Variants in KIF16B observed in about 807,000 individuals in gnomAD.
KIF16B encodes the protein kinesin-like protein KIF16B.
KIF16B carries 98 observed loss-of-function variants against 156.3 expected under a neutral mutation model. The observed-to-expected ratio is 0.63, with a 90% confidence interval of 0.53 to 0.74. The LOEUF is 0.74. KIF16B is among the 30% of genes least tolerant of loss of function. KIF16B has a pLI of 0.00. For synonymous variants in KIF16B, 564 were observed against 583.7 expected, an observed-to-expected ratio of 0.97 and a Z score of 0.49; for missense variants, 1,421 against 1,606.5, an observed-to-expected ratio of 0.88 and a Z score of 1.97.
intron 25 of KIF16B, among the ~76,000 whole-genome samples, chr20:16,277,455 C>T (rs980719369): frequency 4.1e-5 from 4 of 97,688 alleles, no homozygotes; most frequent in Non-Finnish European, 7.6e-5. Flanking sequence ...ATTTTATGTA[C>T]ATATTATATA....
chr20:16,559,375 C>G (rs1275777221), intron 1 of KIF16B, among the ~76,000 whole-genome samples: 5 of 152,228 alleles, frequency 3.3e-5, no homozygotes, highest in African/African-American at 7.2e-5. Flanking sequence ...GCCGTCTACT[C>G]TTACCCTAAA....
At chr20:16,293,917 G>A (rs1027693481) in intron 25 of KIF16B, among the ~76,000 whole-genome samples, 1 of 152,032 alleles carries the variant, frequency 6.6e-6, no homozygotes, top group African/African-American at 2.4e-5. Context: ...ATGAGGAGAG[G>A]GGCTGCGGGG....
At chr20:16,545,867 A>C (rs1339650967) in intron 1 of KIF16B, among the ~76,000 whole-genome samples, 1 of 151,808 alleles carries the variant, frequency 6.6e-6, no homozygotes, top group African/African-American at 2.4e-5. Context: ...TCCCAGTTTT[A>C]TCTCTATTCT....
At chr20:16,450,816 T>C (rs2067060277) in intron 12 of KIF16B, among the ~76,000 whole-genome samples, 1 of 152,206 alleles carries the variant, frequency 6.6e-6, no homozygotes, top group Non-Finnish European at 1.5e-5. Flanking sequence ...ATTTGAGATC[T>C]GGATTTTGAT....
At chr20:16,410,679 C>T (rs2065931058) in intron 15 of KIF16B, among the ~76,000 whole-genome samples, 1 of 152,052 alleles carries the variant, frequency 6.6e-6, no homozygotes, top group Non-Finnish European at 1.5e-5. Context: ...TCTGCAGTTG[C>T]TTAGCATCAC....
chr20:16,374,093 C>CCACTGTTT (rs1346827364), intron 20 of KIF16B, among the ~76,000 whole-genome samples, 164 bp downstream of exon 20: 15 of 152,360 alleles, frequency 9.8e-5, no homozygotes, highest in African/African-American at 3.6e-4. Flanking sequence ...CCTTACCCTA[C>CCACTGTTT]CACTGGCAGG....
intron 15 of KIF16B, among the ~76,000 whole-genome samples, chr20:16,409,442 A>T (rs1489794157): frequency 6.6e-6 from 1 of 152,052 alleles, no homozygotes; most frequent in Non-Finnish European, 1.5e-5. Context: ...TCTAGTTGTA[A>T]GAGGAAGACA....
intron 24 of KIF16B, among the ~76,000 whole-genome samples, chr20:16,322,284 T>G (rs1193045056): frequency 6.6e-6 from 1 of 152,000 alleles, no homozygotes; most frequent in African/African-American, 2.4e-5. Context: ...CTTTCCCTTC[T>G]TCAGTGCTTG....
At chr20:16,506,253 T>C (rs1437912098) in intron 7 of KIF16B, 63 bp from the exon 8 acceptor site, 13 of 1,390,220 alleles carry the variant, frequency 9.4e-6, no homozygotes, top group Non-Finnish European at 8.2e-6. Context: ...GTTGATGATA[T>C]GAATTCTAAC....
intron 1 of KIF16B, among the ~76,000 whole-genome samples, chr20:16,543,550 C>A (rs563897472): frequency 4.6e-5 from 7 of 152,308 alleles, no homozygotes; most frequent in African/African-American, 1.7e-4. Flanking sequence ...TATCTTGGAA[C>A]CCTGGTTCTA....
intron 15 of KIF16B, among the ~76,000 whole-genome samples, chr20:16,425,717 C>A (rs539337565): frequency 3.3e-5 from 5 of 152,202 alleles, no homozygotes; most frequent in Admixed American, 2.6e-4. Context: ...AAATGGAAAT[C>A]GTGTAATGAG....
chr20:16,520,754 G>A (rs2069319148), intron 3 of KIF16B, among the ~76,000 whole-genome samples: 1 of 152,192 alleles, frequency 6.6e-6, no homozygotes, highest in African/African-American at 2.4e-5. Context: ...CCCAGCAGGG[G>A]TTGACAGACA....
chr20:16,299,766 G>T (rs952487419), intron 25 of KIF16B, among the ~76,000 whole-genome samples: 3 of 152,136 alleles, frequency 2.0e-5, no homozygotes, highest in African/African-American at 7.2e-5. Flanking sequence ...CAACTTTTCT[G>T]TCTGACAGAA....
intron 25 of KIF16B, among the ~76,000 whole-genome samples, chr20:16,305,607 T>C (rs1289977849): frequency 6.6e-6 from 1 of 152,228 alleles, no homozygotes; most frequent in Non-Finnish European, 1.5e-5. Context: ...AGCCACACTG[T>C]ATTATCAAAT....
At chr20:16,381,992 A>G (rs2065107331) in intron 17 of KIF16B, 2 of 944,068 alleles carry the variant, frequency 2.1e-6, no homozygotes, top group Admixed American at 3.2e-5. Context: ...AAAACAAAAC[A>G]AAAACTGTAT....
chr20:16,412,301 G>A, intron 15 of KIF16B, among the ~76,000 whole-genome samples: 1 of 151,984 alleles, frequency 6.6e-6, no homozygotes, highest in East Asian at 1.9e-4. Flanking sequence ...AGTAGACCGA[G>A]GCCAGAAGGA....
intron 17 of KIF16B, among the ~76,000 whole-genome samples, chr20:16,388,920 A>T (rs1340981348): frequency 6.6e-6 from 1 of 152,162 alleles, no homozygotes; most frequent in Non-Finnish European, 1.5e-5. Context: ...TAAACAGAGT[A>T]TGACTGCCCA....
rs59061144 is a variant in KIF16B at position 16,283,853 on chromosome 20, T to C, written c.3796-10442A>G. Among the ~76,000 whole-genome samples the C allele has an allele frequency of 3.6e-3, 546 of 152,254 alleles. 4 individuals carry two copies. Among genetic ancestry groups the C allele is most frequent in the Middle Eastern group, 0.024 (7 of 292 alleles). ...ACCACTTCCAAACTCCTTCAGGTTG[T>C]TGGCCAAATACGGCATTCTGTAATC... is the stretch of plus-strand genomic sequence containing the variant. On this transcript the variant is annotated intron_variant, in intron 25 of 25. Coordinates refer to ENST00000354981, the MANE Select transcript of KIF16B (RefSeq NM_024704.5).
intron 12 of KIF16B, among the ~76,000 whole-genome samples, chr20:16,439,686 C>T (rs1481446209): frequency 6.6e-6 from 1 of 152,148 alleles, no homozygotes; most frequent in Non-Finnish European, 1.5e-5. Context: ...TTTGAATGGA[C>T]TTATGGTTCC....
Sources: allele counts gnomAD v4.1 joint callset (sites outside exome capture counted in the v4.1 genomes callset), GRCh38; gene constraint gnomAD v4.1.1; transcripts MANE v1.5; gene names NCBI Gene and HGNC (gene_info 2026-07-23, HGNC 2026-07-21).